Variants in YTHDC2 observed in about 807,000 individuals in gnomAD.
YTHDC2 encodes YTH N6-methyladenosine RNA binding protein C2.
In YTHDC2, 45 loss-of-function variants were observed where a neutral mutation model predicts 174.9. That is an observed-to-expected ratio of 0.26 (90% CI 0.20 to 0.33). The LOEUF (loss-of-function observed/expected upper bound fraction) is 0.33. Among genes scored for constraint, YTHDC2 ranks in the 10% least tolerant of loss-of-function variants. The pLI, the probability that YTHDC2 is intolerant of heterozygous loss-of-function variation, is 1.00. For synonymous variants in YTHDC2, 657 were observed against 574.5 expected (o/e 1.14, Z -2.05); for missense variants, 1,650 against 1,723.7 (o/e 0.96, Z 0.76).
chr5:113,522,678 G>A (rs1330260069), intron 2 of YTHDC2, among the ~76,000 whole-genome samples: 1 of 152,100 alleles, frequency 6.6e-6, no homozygotes, highest in East Asian at 1.9e-4. Flanking sequence ...ATAATAAGGA[G>A]TTCTCAATTT....
intron 23 of YTHDC2, among the ~76,000 whole-genome samples, chr5:113,570,865 G>A (rs1242259816): frequency 3.3e-5 from 5 of 152,084 alleles, no homozygotes; most frequent in African/African-American, 7.2e-5. Context: ...TGTTGGCCAG[G>A]CAGGTCTCAA....
intron 8 of YTHDC2, among the ~76,000 whole-genome samples, chr5:113,539,477 A>ATAT (rs1775302982): frequency 6.6e-6 from 1 of 152,216 alleles, no homozygotes. Context: ...GGCTGCCCAC[A>ATAT]GCATATCTCA....
intron 2 of YTHDC2, among the ~76,000 whole-genome samples, chr5:113,519,138 A>G (rs1386227656): frequency 3.3e-5 from 5 of 151,854 alleles, no homozygotes; most frequent in African/African-American, 1.2e-4. Context: ...CGCCCAAAGT[A>G]TTGGGATTAT....
chr5:113,592,545 A>G (rs1393311564), intron 28 of YTHDC2: 2 of 157,724 alleles, frequency 1.3e-5, no homozygotes, highest in African/African-American at 4.8e-5. Context: ...TATATTGACC[A>G]AATACTATGC....
rs760231619 is a variant in YTHDC2, at chr5:113,540,093, G to A, written c.1211-875G>A. On this transcript the variant is annotated intron_variant, in intron 8 of 29. Transcript: ENST00000161863. ...TGTAGATACGCAGTCTAGTTACATCGCCCAGGCTGGTCTTGAACTCCTGGC... is the reference window on the plus strand; with the variant it reads ...TGTAGATACGCAGTCTAGTTACATCACCCAGGCTGGTCTTGAACTCCTGGC... Among the ~76,000 whole-genome samples the A allele has an allele frequency of 5.9e-5, 9 of 152,082 alleles. No individual in the cohort carries two copies. In the East Asian group the frequency reaches 1.4e-3, roughly 23 times the overall value.
rs773246667 is a variant in YTHDC2 at position 113,533,016 on chromosome 5, A to G, written c.813A>G (p.Thr271=). 42 of 1,614,034 alleles carry G rather than the reference A, an allele frequency of 2.6e-5. No homozygotes were observed. Among genetic ancestry groups the G allele is most frequent in the Non-Finnish European group, 3.3e-5 (39 of 1,180,030 alleles). ...AGAGACGGGAAAGGATTGGTCAAAC[A>G]ATTGGTTATCAGATCCGATTAGAAA... ...AAERRERIGQ[T]IGYQIRLESR... is the part of the protein sequence containing the mutation. Residue 271 remains threonine, a synonymous_variant, in exon 5 of 30, where the codon ACA becomes ACG. Transcript: ENST00000161863.
intron 26 of YTHDC2, among the ~76,000 whole-genome samples, chr5:113,586,392 T>G (rs1778680540): frequency 6.6e-6 from 1 of 152,026 alleles, no homozygotes; most frequent in African/African-American, 2.4e-5. Context: ...GTAAGAGTTT[T>G]CTGTATATTC....
chr5:113,535,392 G>C (rs1357892276), intron 6 of YTHDC2, among the ~76,000 whole-genome samples: 1 of 151,804 alleles, frequency 6.6e-6, no homozygotes, highest in Non-Finnish European at 1.5e-5. Context: ...CATGAATTTT[G>C]GCATGGGGGA....
Position 113,593,164 on chromosome 5 carries a change from A to G in YTHDC2, c.4213-139A>G, listed in dbSNP as rs1040314738. ...AAAGCAAAGAATTAGAACAATTCATACCAGATGATTTTAGCATACGCTGGT... is the reference window on the plus strand; with the variant it reads ...AAAGCAAAGAATTAGAACAATTCATGCCAGATGATTTTAGCATACGCTGGT... On this transcript the variant is annotated intron_variant, in intron 28 of 29. Coordinates refer to ENST00000161863, the MANE Select transcript of YTHDC2 (RefSeq NM_022828.5). 6 of 611,626 alleles carry G rather than the reference A, an allele frequency of 9.8e-6. No individual in the cohort carries two copies. The African/African-American group carries it at 1.1e-4, about 11-fold the overall frequency. 37.9% of individuals were successfully genotyped at this position (611,626 alleles called of 1,614,324 possible). A position where few individuals can be genotyped will look rare whatever the true frequency, so the allele number is the denominator to read the frequency against.
At chr5:113,591,714 C>G (rs1044267063) in intron 27 of YTHDC2, among the ~76,000 whole-genome samples, 1 of 151,844 alleles carries the variant, frequency 6.6e-6, no homozygotes, top group Admixed American at 6.6e-5. Flanking sequence ...TAGCTTGTAT[C>G]CATTTATCAT....
intron 3 of YTHDC2, among the ~76,000 whole-genome samples, chr5:113,525,776 C>G (rs927045008): frequency 3.9e-5 from 6 of 152,058 alleles, no homozygotes; most frequent in African/African-American, 1.4e-4. Flanking sequence ...GGAAAGATCA[C>G]TTCCCTATTA....
rs1396944252 is a variant in YTHDC2, at chr5:113,563,389, C to G, written c.2339C>G (p.Thr780Ser). The G allele has an allele frequency of 6.2e-7, 1 of 1,610,166 alleles. No individual in the cohort carries two copies. The highest frequency in any genetic ancestry group is 8.5e-7 in the Non-Finnish European group (1 of 1,177,994). Residue 780 changes from threonine to serine, a missense_variant, in exon 19 of 30, where the codon ACC (threonine) becomes AGC (serine). Thr to Ser is a moderately conservative substitution (Grantham distance 58). Around this residue, in one of 5 missense-constraint regions of YTHDC2, gnomAD observed 913 missense variants for 940.4 expected, o/e 0.97. Transcript: ENST00000161863. ...GGTTTATAGGAACTTTGCTTACATA[C>G]CAAGCTGTTAGCCCCAGTTAATTGT... ...RMPLQELCLH[T>S]KLLAPVNCPI... is the part of the protein sequence containing the mutation.
At chr5:113,561,969 T>TGTGTGTGTG (rs1554099038) in intron 18 of YTHDC2, among the ~76,000 whole-genome samples, 1 of 106,604 alleles carries the variant, frequency 9.4e-6, no homozygotes, top group African/African-American at 2.9e-5. Context: ...TGTGTGTGTG[T>TGTGTGTGTG]GTGTGTGTGT....
Position 113,560,911 on chromosome 5 carries a change from G to A in YTHDC2, c.2217-169G>A, listed in dbSNP as rs577730291. 7.9e-5 allele frequency among the ~76,000 whole-genome samples: 12 copies of A among 152,326 alleles called. No individual in the cohort carries two copies. In the South Asian group the frequency reaches 2.1e-3, roughly 26 times the overall value. On this transcript the variant is annotated intron_variant, in intron 17 of 29. Transcript: ENST00000161863. ...TCTGAAATAATTGAGACCCAGACTA[G>A]TGAAGTGCTTTCCAAAATGATTGAT...
chr5:113,540,889 A>G (rs1438665869), intron 8 of YTHDC2, 79 bp from the exon 9 acceptor site: 25 of 1,387,310 alleles, frequency 1.8e-5, no homozygotes, highest in Non-Finnish European at 1.3e-5. Context: ...CCAGATTCCC[A>G]TAATTTATTT....
intron 2 of YTHDC2, among the ~76,000 whole-genome samples, chr5:113,522,134 G>GTTTTTTT (rs371407386): frequency 9.4e-6 from 1 of 106,344 alleles, no homozygotes; most frequent in Non-Finnish European, 2.2e-5. Context: ...TGTTTTTTTT[G>GTTTTTTT]TTTTTTGTTT....
chr5:113,567,368 G>T, intron 22 of YTHDC2, 71 bp downstream of exon 22: 2 of 1,160,576 alleles, frequency 1.7e-6, no homozygotes, highest in Non-Finnish European at 1.2e-6. Context: ...AATGAAAAAT[G>T]CTCCAAATAC....
Position 113,513,956 on chromosome 5 carries a change from G to C in YTHDC2, c.61G>C (p.Gly21Arg), listed in dbSNP as rs755557388. Residue 21 changes from glycine (G) to arginine (R), a missense_variant, in exon 1 of 30, where the codon GGC becomes CGC. Physicochemically the swap from Gly to Arg is moderately radical, Grantham distance 125 (BLOSUM62 -2). Coordinates refer to ENST00000161863, the MANE Select transcript of YTHDC2 (RefSeq NM_022828.5). ...GGCTCCTGGCGGTGGCGGAGGCGGCGGCCCCTCGCCTTGTGGCCCTGGGGG... is the reference window on the plus strand; with the variant it reads ...GGCTCCTGGCGGTGGCGGAGGCGGCCGCCCCTCGCCTTGTGGCCCTGGGGG... ...QPAPGGGGGG[G>R]PSPCGPGGGG... is the part of the protein sequence containing the mutation. 3 of 1,602,564 alleles carry C rather than the reference G, an allele frequency of 1.9e-6. No homozygotes were observed. The highest frequency in any genetic ancestry group is 1.7e-5 in the Admixed American group (1 of 59,060).
intron 9 of YTHDC2, 30 bp from the exon 10 acceptor site, chr5:113,542,328 GTAATTTATGA>G (rs1775544337): frequency 1.3e-6 from 2 of 1,597,610 alleles, no homozygotes. Flanking sequence ...CAAATGTTAG[GTAATTTATGA>G]TAATTTATGA....
Sources: allele counts gnomAD v4.1 joint callset (sites outside exome capture counted in the v4.1 genomes callset), GRCh38; gene constraint gnomAD v4.1.1; regional missense constraint gnomAD v4.1.1; transcripts MANE v1.5; gene names NCBI Gene and HGNC (gene_info 2026-07-23, HGNC 2026-07-21).